ZMIZ1: variants seen among roughly 807,000 people sequenced by gnomAD.
The protein encoded by ZMIZ1 is zinc finger MIZ domain-containing protein 1.
Under a neutral mutation model 113.9 loss-of-function variants are expected in ZMIZ1, and 17 were observed. The ratio of observed to expected loss-of-function variants is 0.15; its 90% CI spans 0.10 to 0.22. The LOEUF (loss-of-function observed/expected upper bound fraction) is 0.22, where lower values mean the gene tolerates loss of function less well. ZMIZ1 is among the 10% of genes least tolerant of loss of function. The pLI is 1.00. For synonymous variants in ZMIZ1, 607 were observed against 603.1 expected (o/e 1.01, Z -0.09); for missense variants, 1,059 against 1,477.8 (o/e 0.72, Z 4.65).
At chr10:79,188,445 G>C (rs576257011) in intron 4 of ZMIZ1, among the ~76,000 whole-genome samples, 1 of 152,224 alleles carries the variant, frequency 6.6e-6, no homozygotes. Flanking sequence ...AGGCAGGCTC[G>C]TGGCTGGTTG....
chr10:79,091,525 C>A (rs898986720), intron 1 of ZMIZ1, among the ~76,000 whole-genome samples: 1 of 152,176 alleles, frequency 6.6e-6, no homozygotes, highest in Non-Finnish European at 1.5e-5. Flanking sequence ...TCAGAGAAAT[C>A]GGCTAATAAG....
In ZMIZ1 at chr10:79,138,475, A is replaced by G. The variant is rs112092315; in HGVS notation, c.-226-1207A>G. ...CCTCCTTTGGGACACCCCGTCCCCA[A>G]GATGCTTCGTGCCCATCCCACCTAG... On this transcript the variant is annotated intron_variant, in intron 2 of 24. Transcript: ENST00000334512. 6.8e-3 allele frequency among the ~76,000 whole-genome samples: 1,041 copies of G among 152,298 alleles called. 6 individuals are homozygous for G. The highest frequency in any genetic ancestry group is 0.019 in the African/African-American group (774 of 41,574).
chr10:79,180,807 C>T (rs1043052281), intron 4 of ZMIZ1, among the ~76,000 whole-genome samples: 3 of 152,206 alleles, frequency 2.0e-5, no homozygotes, highest in Non-Finnish European at 4.4e-5. Flanking sequence ...CAGTGCTGAC[C>T]GCAACTCCAT....
At chr10:79,135,101 T>C (rs1327843744) in intron 2 of ZMIZ1, among the ~76,000 whole-genome samples, 5 of 152,222 alleles carry the variant, frequency 3.3e-5, no homozygotes, top group African/African-American at 1.2e-4. Context: ...ACAGGCATGA[T>C]CCACTGCACC....
In ZMIZ1 at chr10:79,118,016, A is replaced by T. The variant is rs192874172; in HGVS notation, c.-336-899A>T. 1.3e-5 allele frequency among the ~76,000 whole-genome samples: 2 copies of T among 152,138 alleles called. No individual in the cohort carries two copies. Among genetic ancestry groups the T allele is most frequent in the Non-Finnish European group, 2.9e-5 (2 of 68,022 alleles). On this transcript the variant is annotated intron_variant, in intron 1 of 24. Transcript: ENST00000334512. This position sits in a 1 kb window ranked among gnomAD's most constrained non-coding sequence, Gnocchi z 4.1. ...AGTCAGGGAGGCCAGGGGTCTGCAG[A>T]TGCAGGAACTGGGGGGAGACAGCCA...
chr10:79,093,654 C>T (rs779331476), intron 1 of ZMIZ1, among the ~76,000 whole-genome samples: 1 of 152,104 alleles, frequency 6.6e-6, no homozygotes, highest in Non-Finnish European at 1.5e-5. Flanking sequence ...CACATGCGTA[C>T]GTGATGTGCT....
At chr10:79,249,994 G>A (rs1269491651) in intron 7 of ZMIZ1, among the ~76,000 whole-genome samples, 2 of 152,246 alleles carry the variant, frequency 1.3e-5, no homozygotes, top group African/African-American at 2.4e-5. Context: ...GATCAGTGCA[G>A]TAGAGCTACT....
At chr10:79,164,897 C>T (rs542436524) in intron 4 of ZMIZ1, among the ~76,000 whole-genome samples, 58 of 152,200 alleles carry the variant, frequency 3.8e-4, no homozygotes, top group African/African-American at 1.2e-3. Context: ...CTGTTCCCTC[C>T]AGAGCCCCTT....
chr10:79,112,661 C>T (rs541881460), intron 1 of ZMIZ1, among the ~76,000 whole-genome samples: 1 of 152,250 alleles, frequency 6.6e-6, no homozygotes, highest in South Asian at 2.1e-4. Flanking sequence ...GCCCAGTCTC[C>T]CAATCCTGGC....
intron 8 of ZMIZ1, chr10:79,285,419 C>T (rs1392192333): frequency 4.6e-5 from 21 of 454,260 alleles, no homozygotes; most frequent in Admixed American, 4.5e-4. Context: ...CGGCAGCCTT[C>T]GAAGGGAGGG....
rs116755482 is a variant in ZMIZ1 at position 79,308,214 on chromosome 10, G to A, written c.2835+643G>A. Among the ~76,000 whole-genome samples the A allele has an allele frequency of 5.4e-3, 825 of 152,304 alleles. 9 individuals are homozygous for A. The highest frequency in any genetic ancestry group is 0.019 in the African/African-American group (774 of 41,562). Reference sequence around the variant, plus strand: ...GGAGTCCTCATCCAGTGAGTGCCACGTGGTTCCACTCATTTTAACAAGCGT... The same window carrying A: ...GGAGTCCTCATCCAGTGAGTGCCACATGGTTCCACTCATTTTAACAAGCGT... On this transcript the variant is annotated intron_variant, in intron 23 of 24. Transcript: ENST00000334512.
intron 7 of ZMIZ1, among the ~76,000 whole-genome samples, chr10:79,255,662 G>T (rs568184401): frequency 6.6e-6 from 1 of 152,168 alleles, no homozygotes; most frequent in East Asian, 1.9e-4. Context: ...GAGCTCATGA[G>T]GGTGCCTTTG....
chr10:79,129,920 C>T (rs1223242155), intron 2 of ZMIZ1, among the ~76,000 whole-genome samples: 2 of 152,214 alleles, frequency 1.3e-5, no homozygotes, highest in African/African-American at 4.8e-5. Context: ...TGCCCTCCCA[C>T]AAGATAGGGC....
Position 79,274,593 on chromosome 10 carries a change from G to A in ZMIZ1, c.281-2588G>A, listed in dbSNP as rs372742372. ...TTGGTTTGCACCATAAGGAGAACAC[G>A]CACAACATCCACTGCCCCGCATGCG... is the stretch of plus-strand genomic sequence containing the variant. On this transcript the variant is annotated intron_variant, in intron 7 of 24. Transcript: ENST00000334512. 1.6e-3 allele frequency among the ~76,000 whole-genome samples: 242 copies of A among 151,692 alleles called. 1 individual carries two copies. The highest frequency in any genetic ancestry group is 5.3e-3 in the African/African-American group (219 of 41,426).
In ZMIZ1 at chr10:79,296,332, A is replaced by C; in HGVS notation, c.1231-139A>C. The stretch of plus-strand genomic sequence containing the variant: ...GATGTCAGGACGAGAAGGGGCCCAA[A>C]GCATTATCTGGTTTTGTGGGTGGGA... On this transcript the variant is annotated intron_variant, in intron 12 of 24. Coordinates refer to ENST00000334512, the MANE Select transcript of ZMIZ1 (RefSeq NM_020338.4). The surrounding 1 kb of genome is among the most constrained non-coding windows in gnomAD (Gnocchi z 4.1). 1 of 978,660 alleles carries C rather than the reference A, an allele frequency of 1.0e-6. No homozygotes were observed. Among genetic ancestry groups the C allele is most frequent in the South Asian group, 1.5e-5 (1 of 68,238 alleles). The allele number at this position is 978,660 out of a possible 1,614,324, so 60.6% of individuals were successfully genotyped here.
rs540589175 is a variant in ZMIZ1, at chr10:79,278,799, T to A, written c.425+1474T>A. On this transcript the variant is annotated intron_variant, in intron 8 of 24. Coordinates refer to ENST00000334512, the MANE Select transcript of ZMIZ1 (RefSeq NM_020338.4). ...GCATCCCAAGGCAGAAGAATTTTTC[T>A]TAGTACAGAACAAAATGGAGTCTCC... 4.7e-4 allele frequency among the ~76,000 whole-genome samples: 72 copies of A among 152,224 alleles called. 1 individual carries two copies. Among genetic ancestry groups the A allele is most frequent in the African/African-American group, 1.6e-3 (67 of 41,546 alleles).
At position 79,277,343 on chromosome 10, in the gene ZMIZ1, A is replaced by T. The variant is rs1266889794; in HGVS notation, c.425+18A>T. 1 of 1,588,570 alleles carries T rather than the reference A, an allele frequency of 6.3e-7. No homozygotes were observed. Among genetic ancestry groups the T allele is most frequent in the Non-Finnish European group, 8.6e-7 (1 of 1,168,066 alleles). ...TCGCACAGGTAAGTGGGTGGGTGCC[A>T]TGGGTGCAGGTACTGAGCAGACACC... On this transcript the variant is annotated intron_variant, in intron 8 of 24. Transcript: ENST00000334512.
chr10:79,297,763 C>A, intron 14 of ZMIZ1, 73 bp downstream of exon 14: 1 of 1,358,330 alleles, frequency 7.4e-7, no homozygotes, highest in Non-Finnish European at 1.0e-6. Flanking sequence ...ACTGTTCCTG[C>A]TCCAGCCTCT....
chr10:79,217,601 A>G (rs1848790394), intron 7 of ZMIZ1, among the ~76,000 whole-genome samples: 1 of 152,254 alleles, frequency 6.6e-6, no homozygotes, highest in Non-Finnish European at 1.5e-5. Context: ...TTTGGAGTGT[A>G]TATAGACACA....
Sources: gnomAD v4.1 joint callset for allele counts (sites outside exome capture counted in the v4.1 genomes callset) on GRCh38, gnomAD v4.1.1 for gene constraint, Gnocchi (gnomAD v3.1) non-coding constraint, MANE v1.5 for transcripts, NCBI Gene and HGNC (gene_info 2026-07-23, HGNC 2026-07-21) for gene names.